Variants in MYOCD observed in about 807,000 individuals in gnomAD.
The protein encoded by MYOCD is myocardin.
In MYOCD, 32 loss-of-function variants were observed where a neutral mutation model predicts 96.1. The observed-to-expected ratio is 0.33, with a 90% CI of 0.25 to 0.45. The LOEUF (loss-of-function observed/expected upper bound fraction) is 0.45. Among genes scored for constraint, MYOCD ranks in the 20% least tolerant of loss-of-function variants. The pLI, the probability that MYOCD is intolerant of heterozygous loss-of-function variation, is 1.00. For synonymous variants in MYOCD, 469 were observed against 469.0 expected, an observed-to-expected ratio of 1.00 and a Z score of 0.00; for missense variants, 1,133 against 1,200.6, an observed-to-expected ratio of 0.94 and a Z score of 0.83.
intron 1 of MYOCD, among the ~76,000 whole-genome samples, chr17:12,677,902 T>G (rs1356418848): frequency 6.7e-6 from 1 of 149,884 alleles, no homozygotes; most frequent in African/African-American, 2.4e-5. Flanking sequence ...TTTTGTTTTT[T>G]TTTTTTTTTG....
intron 13 of MYOCD, chr17:12,761,769 G>A (rs142649279): frequency 0.02 from 3,066 of 152,504 alleles, 47 homozygotes; most frequent in Non-Finnish European, 0.033. Flanking sequence ...GACTACAGGC[G>A]CGTGCCACCA....
At position 12,755,872 on chromosome 17, in the gene MYOCD, A is replaced by G. The variant is rs527543130; in HGVS notation, c.2059-542A>G. ...GGGCGACAGAGTGAGACTCCGTCTA[A>G]AAATAAATGAATAAAATAAAAAAAT... On this transcript the variant is annotated intron_variant, in intron 10 of 13. Transcript: ENST00000425538. 1.2e-3 allele frequency among the ~76,000 whole-genome samples: 180 copies of G among 152,328 alleles called. 2 individuals are homozygous for G. Among genetic ancestry groups the G allele is most frequent in the Admixed American group, 0.011 (176 of 15,306 alleles).
chr17:12,681,744 A>G (rs904395793), intron 1 of MYOCD, among the ~76,000 whole-genome samples: 2 of 152,138 alleles, frequency 1.3e-5, no homozygotes, highest in African/African-American at 2.4e-5. Context: ...AGAGTCACTG[A>G]GGCCAGGCCA....
intron 1 of MYOCD, among the ~76,000 whole-genome samples, chr17:12,682,315 T>G (rs908081684): frequency 2.6e-5 from 4 of 152,206 alleles, no homozygotes; most frequent in African/African-American, 4.8e-5. Context: ...ACATATGATG[T>G]GTGCCACACA....
chr17:12,667,624 A>G (rs1423696414), intron 1 of MYOCD, among the ~76,000 whole-genome samples: 2 of 152,230 alleles, frequency 1.3e-5, no homozygotes, highest in Non-Finnish European at 2.9e-5. Context: ...CTTCCTTGCC[A>G]GTTTAAATGT....
intron 1 of MYOCD, among the ~76,000 whole-genome samples, chr17:12,672,504 A>G (rs527879051): frequency 1.3e-5 from 2 of 152,376 alleles, no homozygotes; most frequent in East Asian, 3.9e-4. Flanking sequence ...TAAAACAGAA[A>G]GAGGTGTCCA....
intron 9 of MYOCD, among the ~76,000 whole-genome samples, chr17:12,748,814 A>G (rs892115015): frequency 6.6e-6 from 1 of 152,230 alleles, no homozygotes; most frequent in Non-Finnish European, 1.5e-5. Context: ...AAACCAGCAA[A>G]TCTAAAAGAA....
At chr17:12,698,896 C>T (rs578221491) in intron 1 of MYOCD, among the ~76,000 whole-genome samples, 1 of 151,514 alleles carries the variant, frequency 6.6e-6, no homozygotes, top group South Asian at 2.1e-4. Context: ...ACGCCCGCCA[C>T]CACGCCCGGC....
intron 6 of MYOCD, among the ~76,000 whole-genome samples, chr17:12,738,533 G>GCA (rs138662709): frequency 1.1e-3 from 163 of 151,414 alleles, no homozygotes; most frequent in African/African-American, 1.9e-3. Context: ...GCACACATGT[G>GCA]CACACACACA....
At chr17:12,714,219 A>G (rs1401990310) in intron 2 of MYOCD, among the ~76,000 whole-genome samples, 1 of 151,832 alleles carries the variant, frequency 6.6e-6, no homozygotes, top group Admixed American at 6.6e-5. Context: ...AACTACCATT[A>G]TGGTAGCCGT....
At chr17:12,709,724 T>A (rs1312945802) in intron 2 of MYOCD, among the ~76,000 whole-genome samples, 1 of 152,140 alleles carries the variant, frequency 6.6e-6, no homozygotes, top group Admixed American at 6.5e-5. Flanking sequence ...ATCCCACCCT[T>A]TTGGGCTCAA....
At chr17:12,743,783 G>A (rs1309565844) in intron 7 of MYOCD, among the ~76,000 whole-genome samples, 2 of 152,146 alleles carry the variant, frequency 1.3e-5, no homozygotes, top group African/African-American at 4.8e-5. Context: ...ACAGGTGTGA[G>A]CCATCGCTCC....
rs188015942 is a variant in MYOCD at position 12,707,763 on chromosome 17, C to T, written c.121+2570C>T. Among the ~76,000 whole-genome samples, 6 of 152,088 alleles carry T rather than the reference C, an allele frequency of 3.9e-5. No homozygotes were observed. The East Asian group carries it at 1.2e-3, about 29-fold the overall frequency. On this transcript the variant is annotated intron_variant, in intron 2 of 13. Coordinates refer to ENST00000425538, the MANE Select transcript of MYOCD (RefSeq NM_001146312.3). Reference sequence around the variant, plus strand: ...TAAAAATTAAAAAAGCACACAGAAGCATAATCCAGTGTGCAACTCATTACC... The same window carrying T: ...TAAAAATTAAAAAAGCACACAGAAGTATAATCCAGTGTGCAACTCATTACC...
At chr17:12,728,040 C>T (rs1040037877) in intron 5 of MYOCD, among the ~76,000 whole-genome samples, 1 of 152,208 alleles carries the variant, frequency 6.6e-6, no homozygotes, top group Non-Finnish European at 1.5e-5. Context: ...TTGCCTATTT[C>T]GCCTTCGTAG....
At chr17:12,679,663 T>G (rs1369799721) in intron 1 of MYOCD, among the ~76,000 whole-genome samples, 1 of 152,168 alleles carries the variant, frequency 6.6e-6, no homozygotes, top group Non-Finnish European at 1.5e-5. Flanking sequence ...TGTGCTACAG[T>G]AACACCGAGG....
intron 2 of MYOCD, among the ~76,000 whole-genome samples, chr17:12,712,805 AG>A (rs2150680632): frequency 6.6e-6 from 1 of 152,388 alleles, no homozygotes; most frequent in Admixed American, 6.5e-5. Context: ...TTAAAAATTT[AG>A]AATCCAAATT....
At chr17:12,742,915 C>G (rs2032555506) in intron 7 of MYOCD, among the ~76,000 whole-genome samples, 1 of 152,058 alleles carries the variant, frequency 6.6e-6, no homozygotes, top group Admixed American at 6.5e-5. Flanking sequence ...TGGACCCATT[C>G]CTTCCTAATA....
At chr17:12,677,066 C>T (rs141995409) in intron 1 of MYOCD, among the ~76,000 whole-genome samples, 13 of 152,240 alleles carry the variant, frequency 8.5e-5, no homozygotes, top group Non-Finnish European at 1.6e-4. Flanking sequence ...TCACACTATG[C>T]AGCCATAAAA....
chr17:12,683,073 T>A (rs1224527983), intron 1 of MYOCD, among the ~76,000 whole-genome samples: 1 of 152,176 alleles, frequency 6.6e-6, no homozygotes, highest in African/African-American at 2.4e-5. Flanking sequence ...ACTCTCAGGC[T>A]ACTCTTCTGG....
Sources: gnomAD v4.1 joint callset for allele counts (sites outside exome capture counted in the v4.1 genomes callset) on GRCh38, gnomAD v4.1.1 for gene constraint, MANE v1.5 for transcripts, NCBI Gene and HGNC (gene_info 2026-07-23, HGNC 2026-07-21) for gene names.